GFRAL: variants seen among roughly 807,000 people sequenced by gnomAD.
The protein encoded by GFRAL is GDNF family receptor alpha like.
A neutral mutation model predicts 45.4 loss-of-function variants in GFRAL; 36 were observed. That is an observed-to-expected ratio of 0.79 (90% confidence interval 0.61 to 1.05). The LOEUF (loss-of-function observed/expected upper bound fraction) is 1.05, where lower values mean the gene tolerates loss of function less well. GFRAL is among the 50% of genes least tolerant of loss of function. GFRAL has a pLI of 0.00. For synonymous variants in GFRAL, 166 were observed against 154.1 expected, an observed-to-expected ratio of 1.08 and a Z score of -0.57; for missense variants, 507 against 467.5, an observed-to-expected ratio of 1.08 and a Z score of -0.78.
intron 5 of GFRAL, among the ~76,000 whole-genome samples, chr6:55,355,809 G>A (rs1262727143): frequency 6.6e-6 from 1 of 151,682 alleles, no homozygotes; most frequent in African/African-American, 2.4e-5. Flanking sequence ...AGATCATAGA[G>A]GAAAAGCTTT....
chr6:55,344,898 T>C (rs1443944401), intron 3 of GFRAL, among the ~76,000 whole-genome samples: 4 of 151,832 alleles, frequency 2.6e-5, no homozygotes, highest in African/African-American at 9.7e-5. Flanking sequence ...ACACCAATAA[T>C]AGACAAACAG....
intron 6 of GFRAL, among the ~76,000 whole-genome samples, chr6:55,385,068 C>T (rs564527628): frequency 6.6e-6 from 1 of 152,152 alleles, no homozygotes; most frequent in South Asian, 2.1e-4. Flanking sequence ...AGGTGTTTCC[C>T]TTTGAGCACA....
intron 6 of GFRAL, among the ~76,000 whole-genome samples, chr6:55,367,321 G>T (rs1392012923): frequency 7.1e-6 from 1 of 140,748 alleles, no homozygotes; most frequent in Non-Finnish European, 1.5e-5. Flanking sequence ...CTTTTATTTT[G>T]AGCCTATGGG....
intron 6 of GFRAL, among the ~76,000 whole-genome samples, chr6:55,397,980 C>T (rs1168359757): frequency 2.6e-5 from 4 of 152,086 alleles, no homozygotes; most frequent in Non-Finnish European, 5.9e-5. Flanking sequence ...TACAATAGCA[C>T]ACACTGTGCA....
Position 55,399,414 on chromosome 6 carries a change from T to A in GFRAL, c.1094T>A (p.Ile365Asn). The A allele has an allele frequency of 6.2e-7, 1 of 1,611,444 alleles. No individual in the cohort carries two copies. The highest frequency in any genetic ancestry group is 8.5e-7 in the Non-Finnish European group (1 of 1,177,634). Reference sequence around the variant, plus strand: ...ATGTGCATGACAGTCACCTGTGGAATCCTTCTGTTGGTTATGGTCAAGCTT... The same window carrying A: ...ATGTGCATGACAGTCACCTGTGGAAACCTTCTGTTGGTTATGGTCAAGCTT... ...AAMCMTVTCG[I>N]LLLVMVKLRT... Residue 365 changes from isoleucine to asparagine, a missense_variant, in exon 8 of 9, where the codon ATC (isoleucine) becomes AAC (asparagine). Coordinates refer to ENST00000340465, the MANE Select transcript of GFRAL (RefSeq NM_207410.2).
chr6:55,334,042 A>G, intron 3 of GFRAL, 98 bp downstream of exon 3: 1 of 776,506 alleles, frequency 1.3e-6, no homozygotes, highest in Non-Finnish European at 1.9e-6. Context: ...GTTTTTTGTA[A>G]TTTGATTAAT....
In GFRAL at chr6:55,368,443, G is replaced by A. The variant is rs551681310; in HGVS notation, c.952+9305G>A. ...GTTTGAAGCCTTCTTCTCTCAGCTC[G>A]TCAAAGTCATTCTCCGTCCAGCTTT... On this transcript the variant is annotated intron_variant, in intron 6 of 8. Transcript: ENST00000340465. 3.5e-4 allele frequency among the ~76,000 whole-genome samples: 53 copies of A among 150,704 alleles called. 1 individual carries two copies. The highest frequency in any genetic ancestry group is 3.9e-4 in the East Asian group (2 of 5,088).
intron 3 of GFRAL, among the ~76,000 whole-genome samples, chr6:55,344,673 G>A (rs1288718563): frequency 1.5e-4 from 23 of 152,270 alleles, no homozygotes; most frequent in Non-Finnish European, 2.9e-4. Context: ...TCAACATAGT[G>A]TTGGAAGTTC....
At chr6:55,377,005 T>C (rs1768543792) in intron 6 of GFRAL, among the ~76,000 whole-genome samples, 1 of 151,936 alleles carries the variant, frequency 6.6e-6, no homozygotes, top group Non-Finnish European at 1.5e-5. Context: ...GACAACCAAT[T>C]TCTACCTGAG....
chr6:55,360,095 T>A (rs1427096894), intron 6 of GFRAL, among the ~76,000 whole-genome samples: 1 of 152,060 alleles, frequency 6.6e-6, no homozygotes, highest in Non-Finnish European at 1.5e-5. Flanking sequence ...ATTTAAATAA[T>A]TTGTTCAGCA....
intron 8 of GFRAL, among the ~76,000 whole-genome samples, chr6:55,400,702 G>T (rs1180020418): frequency 6.6e-6 from 1 of 152,048 alleles, no homozygotes; most frequent in Non-Finnish European, 1.5e-5. Flanking sequence ...ACATTCCGTG[G>T]GTTCTAAGAT....
intron 6 of GFRAL, 136 bp from the exon 7 acceptor site, chr6:55,399,044 T>C (rs1168264432): frequency 2.0e-6 from 1 of 511,646 alleles, no homozygotes; most frequent in Admixed American, 3.8e-5. Flanking sequence ...TTGTTCCTAG[T>C]TTTATTCAAA....
chr6:55,363,151 T>G (rs574526710), intron 6 of GFRAL, among the ~76,000 whole-genome samples: 11 of 152,094 alleles, frequency 7.2e-5, no homozygotes, highest in Admixed American at 7.2e-4. Flanking sequence ...AAGCATGTGA[T>G]ACATGCTTAA....
At chr6:55,393,038 T>TA (rs1158836479) in intron 6 of GFRAL, among the ~76,000 whole-genome samples, 1 of 152,190 alleles carries the variant, frequency 6.6e-6, no homozygotes, top group Non-Finnish European at 1.5e-5. Flanking sequence ...AATTAGTACT[T>TA]ACATTTATCA....
intron 5 of GFRAL, 115 bp from the exon 6 acceptor site, chr6:55,358,773 T>C: frequency 1.1e-6 from 1 of 882,024 alleles, no homozygotes; most frequent in East Asian, 2.6e-5. Flanking sequence ...TTCAACTATG[T>C]ACTGGCATCT....
Position 55,358,956 on chromosome 6 carries a change from A to C in GFRAL, c.770A>C (p.Asn257Thr), listed in dbSNP as rs1768234640. 8.1e-6 allele frequency: 13 copies of C among 1,612,956 alleles called. No individual in the cohort carries two copies. The highest frequency in any genetic ancestry group is 1.6e-4 in the Middle Eastern group (1 of 6,072). Residue 257 changes from asparagine (N) to threonine (T), a missense_variant, in exon 6 of 9, where the codon AAT becomes ACT. Transcript: ENST00000340465. ...ACTAGAAAGTGCCATGAAGATGAGA[A>C]TTGCATTAGCACCTTAAGCAAACAG... ...RVTRKCHEDENCISTLSKQDL... is the reference protein window; with the variant it reads ...RVTRKCHEDETCISTLSKQDL...
intron 6 of GFRAL, among the ~76,000 whole-genome samples, chr6:55,364,822 T>C (rs1768336337): frequency 6.6e-6 from 1 of 152,098 alleles, no homozygotes; most frequent in South Asian, 2.1e-4. Flanking sequence ...ACCAGTACCA[T>C]GCTGTTTTGG....
chr6:55,334,037 T>G (rs896971781), intron 3 of GFRAL, 93 bp downstream of exon 3: 1 of 799,024 alleles, frequency 1.3e-6, no homozygotes, highest in Non-Finnish European at 1.9e-6. Flanking sequence ...TTAATGTTTT[T>G]TGTAATTTGA....
chr6:55,364,089 T>A (rs1375064342), intron 6 of GFRAL, among the ~76,000 whole-genome samples: 1 of 145,424 alleles, frequency 6.9e-6, no homozygotes, highest in Non-Finnish European at 1.5e-5. Context: ...CCACATCCTC[T>A]CCAGTACCTG....
Sources: allele counts gnomAD v4.1 joint callset (sites outside exome capture counted in the v4.1 genomes callset), GRCh38; gene constraint gnomAD v4.1.1; transcripts MANE v1.5; gene names NCBI Gene and HGNC (gene_info 2026-07-23, HGNC 2026-07-21).